Variants in HIPK2 observed in about 807,000 individuals in gnomAD.
HIPK2 encodes homeodomain-interacting protein kinase 2.
Under a neutral mutation model 113.7 loss-of-function variants are expected in HIPK2, and 27 were observed. That is an observed-to-expected ratio of 0.24 (90% CI 0.17 to 0.33). The LOEUF (loss-of-function observed/expected upper bound fraction) is 0.33, where lower values mean the gene tolerates loss of function less well. Among genes scored for constraint, HIPK2 ranks in the 10% least tolerant of loss-of-function variants. HIPK2 has a pLI of 1.00. For missense variants in HIPK2, 1,257 were observed against 1,588.0 expected (o/e 0.79, Z 3.54); for synonymous variants, 631 against 642.2 (o/e 0.98, Z 0.26).
chr7:139,695,112 T>G (rs1794525706), intron 2 of HIPK2, among the ~76,000 whole-genome samples: 1 of 152,174 alleles, frequency 6.6e-6, no homozygotes, highest in East Asian at 1.9e-4. Context: ...TGTCTGTAGC[T>G]CAGTGCACGG....
Position 139,631,506 on chromosome 7 carries a change from C to A in HIPK2, c.1227+96G>T. Reference sequence around the variant, plus strand: ...GGGAGACAACGTGACATTCCACAGTCCCGCCCATTTGTCATGTAATCAATG... The same window carrying A: ...GGGAGACAACGTGACATTCCACAGTACCGCCCATTTGTCATGTAATCAATG... On this transcript the variant is annotated intron_variant, in intron 3 of 14. Transcript: ENST00000406875. This position sits in a 1 kb window ranked among gnomAD's most constrained non-coding sequence, Gnocchi z 4.9. 1.3e-6 allele frequency: 2 copies of A among 1,536,266 alleles called. No homozygotes were observed. The highest frequency in any genetic ancestry group is 1.8e-6 in the Non-Finnish European group (2 of 1,139,722).
intron 1 of HIPK2, among the ~76,000 whole-genome samples, chr7:139,723,742 A>G (rs1795487824): frequency 6.6e-6 from 1 of 152,194 alleles, no homozygotes; most frequent in Non-Finnish European, 1.5e-5. Flanking sequence ...ATTGAATTCA[A>G]TTTCACTGAA....
At chr7:139,653,403 T>C (rs1801535675) in intron 2 of HIPK2, among the ~76,000 whole-genome samples, 1 of 151,146 alleles carries the variant, frequency 6.6e-6, no homozygotes, top group South Asian at 2.1e-4. Flanking sequence ...CTATCAACTG[T>C]TACAGAATGG....
Position 139,596,946 on chromosome 7 carries a change from G to A in HIPK2, c.2488C>T (p.Arg830Ter). Residue 830 changes from arginine to a stop codon, truncating the protein, a stop_gained, in exon 12 of 15, where the codon CGA (arginine) becomes TGA (stop). Coordinates refer to ENST00000406875, the MANE Select transcript of HIPK2 (RefSeq NM_022740.5). LOFTEE classifies it high-confidence loss of function. The stretch of plus-strand genomic sequence containing the variant: ...GTGTTCTCCTTGACACGCTTGGATC[G>A]CTGTGGGGAGCTGATGGCCTGAGAG... The part of the protein sequence containing the change: ...SSSQAISSPQ[R>*]SKRVKENTPP... 6.2e-7 allele frequency: 1 copy of A among 1,608,192 alleles called. No individual in the cohort carries two copies. The highest frequency in any genetic ancestry group is 8.5e-7 in the Non-Finnish European group (1 of 1,175,380).
At chr7:139,682,976 T>C (rs1185412683) in intron 2 of HIPK2, among the ~76,000 whole-genome samples, 9 of 152,214 alleles carry the variant, frequency 5.9e-5, no homozygotes, top group Non-Finnish European at 8.8e-5. Context: ...AGGCTGGTCC[T>C]TTCTGGGAAA....
chr7:139,633,687 G>A (rs529915351), intron 2 of HIPK2, among the ~76,000 whole-genome samples: 5 of 151,802 alleles, frequency 3.3e-5, no homozygotes, highest in African/African-American at 9.7e-5. Flanking sequence ...GTTCAGGCCT[G>A]TAATCCCAGC....
intron 2 of HIPK2, among the ~76,000 whole-genome samples, chr7:139,691,336 G>A (rs1264683153): frequency 3.9e-5 from 6 of 152,184 alleles, no homozygotes; most frequent in African/African-American, 4.8e-5. Context: ...TGACGAGCCC[G>A]TCCCCATTAT....
At chr7:139,597,427 G>A (rs1799262056) in intron 11 of HIPK2, among the ~76,000 whole-genome samples, 1 of 152,168 alleles carries the variant, frequency 6.6e-6, no homozygotes, top group Non-Finnish European at 1.5e-5. Flanking sequence ...TTTGGGGGTG[G>A]TGGAAGAATT....
chr7:139,686,372 TGAA>T (rs1794218546), intron 2 of HIPK2, among the ~76,000 whole-genome samples: 1 of 152,236 alleles, frequency 6.6e-6, no homozygotes, highest in Non-Finnish European at 1.5e-5. Context: ...TGAATATTGT[TGAA>T]ATGATAACAA....
intron 1 of HIPK2, among the ~76,000 whole-genome samples, chr7:139,765,646 A>G (rs1273308028): frequency 1.3e-5 from 2 of 152,218 alleles, no homozygotes; most frequent in Admixed American, 1.3e-4. Context: ...ACATTGGTGT[A>G]ATGATGTGAG....
At chr7:139,707,258 T>C in intron 2 of HIPK2, among the ~76,000 whole-genome samples, 1 of 152,240 alleles carries the variant, frequency 6.6e-6, no homozygotes, top group East Asian at 1.9e-4. Context: ...GACAGTTGCT[T>C]CTGTAACAGC....
In HIPK2 at chr7:139,572,999, G is replaced by A; in HGVS notation, c.3525C>T (p.Ala1175=). Residue 1175 remains alanine (A), a synonymous_variant, in exon 15 of 15, where the codon GCC becomes GCT. Transcript: ENST00000406875. ...CAGTGTAGACGGTGGAGGCTGGCGAGGCGCTGATGTAGGTCTGGTGGGCAA... is the reference window on the plus strand; with the variant it reads ...CAGTGTAGACGGTGGAGGCTGGCGAAGCGCTGATGTAGGTCTGGTGGGCAA... ...AQFAHQTYIS[A]SPASTVYTGY... is the part of the protein sequence containing the mutation. The A allele has an allele frequency of 1.2e-6, 2 of 1,610,588 alleles. No homozygotes were observed. The highest frequency in any genetic ancestry group is 1.7e-6 in the Non-Finnish European group (2 of 1,178,510).
chr7:139,612,444 G>C (rs1316708641), intron 9 of HIPK2, among the ~76,000 whole-genome samples: 1 of 152,092 alleles, frequency 6.6e-6, no homozygotes, highest in East Asian at 1.9e-4. Flanking sequence ...GTGTGTCCTG[G>C]TTCTGTTACC....
intron 2 of HIPK2, among the ~76,000 whole-genome samples, chr7:139,653,818 C>T (rs1427451297): frequency 6.6e-6 from 1 of 151,884 alleles, no homozygotes; most frequent in Non-Finnish European, 1.5e-5. Flanking sequence ...CTGCAACCTC[C>T]ACCTCCCAGG....
intron 12 of HIPK2, among the ~76,000 whole-genome samples, chr7:139,584,871 C>T (rs1798785644): frequency 6.6e-6 from 1 of 152,180 alleles, no homozygotes; most frequent in African/African-American, 2.4e-5. Context: ...GAAGCCCTGG[C>T]CTTCATCTTA....
In HIPK2 at chr7:139,669,132, C is replaced by T. The variant is rs144140242; in HGVS notation, c.1104-37407G>A. ...TTACCTAACAACTACATTCTAAAAA[C>T]TGAGGACTTATCATTCTGGATAGGG... On this transcript the variant is annotated intron_variant, in intron 2 of 14. Coordinates refer to ENST00000406875, the MANE Select transcript of HIPK2 (RefSeq NM_022740.5). Among the ~76,000 whole-genome samples, 931 of 152,304 alleles carry T rather than the reference C, an allele frequency of 6.1e-3. 11 individuals are homozygous for T. The highest frequency in any genetic ancestry group is 0.021 in the African/African-American group (870 of 41,556).
At chr7:139,706,639 C>T (rs553594795) in intron 2 of HIPK2, among the ~76,000 whole-genome samples, 3 of 152,308 alleles carry the variant, frequency 2.0e-5, no homozygotes, top group Admixed American at 6.5e-5. Flanking sequence ...AGCCCCTCCC[C>T]TGCTCTGGAA....
chr7:139,729,098 T>G (rs539071421), intron 1 of HIPK2, among the ~76,000 whole-genome samples: 1 of 152,144 alleles, frequency 6.6e-6, no homozygotes, highest in South Asian at 2.1e-4. Flanking sequence ...CCGCGATGGG[T>G]GGACTGCTTG....
At chr7:139,676,243 C>CA (rs1802491951) in intron 2 of HIPK2, among the ~76,000 whole-genome samples, 1 of 152,218 alleles carries the variant, frequency 6.6e-6, no homozygotes. Flanking sequence ...ACCACAGGTA[C>CA]ATGAATGGAT....
Sources: allele counts gnomAD v4.1 joint callset (sites outside exome capture counted in the v4.1 genomes callset), GRCh38; gene constraint gnomAD v4.1.1; non-coding constraint Gnocchi (gnomAD v3.1); transcripts MANE v1.5; gene names NCBI Gene and HGNC (gene_info 2026-07-23, HGNC 2026-07-21).